The following HHAT variants were observed in gnomAD, a reference collection of about 807,000 sequenced individuals.
The protein encoded by HHAT is protein-cysteine N-palmitoyltransferase HHAT.
Under a neutral mutation model 70.8 loss-of-function variants are expected in HHAT, and 47 were observed. The ratio of observed to expected loss-of-function variants is 0.66; its 90% confidence interval spans 0.53 to 0.85. HHAT has a LOEUF of 0.85. Ranked by LOEUF, HHAT falls within the 40% of genes least tolerant of loss-of-function variation. The pLI is 0.00. For missense variants in HHAT, 609 were observed against 604.8 expected (o/e 1.01, Z -0.07); for synonymous variants, 228 against 247.6 (o/e 0.92, Z 0.74).
chr1:210,623,099 C>T (rs1669170815), intron 10 of HHAT, among the ~76,000 whole-genome samples: 2 of 152,192 alleles, frequency 1.3e-5, no homozygotes, highest in Non-Finnish European at 2.9e-5. Flanking sequence ...GAGACACGCT[C>T]TTGTTCTGTC....
intron 9 of HHAT, among the ~76,000 whole-genome samples, chr1:210,546,715 G>C (rs990496221): frequency 1.3e-5 from 2 of 152,182 alleles, no homozygotes; most frequent in Non-Finnish European, 2.9e-5. Context: ...GGTGAGGATG[G>C]AGGCACAGAG....
At chr1:210,641,772 C>T (rs1218138538) in intron 11 of HHAT, among the ~76,000 whole-genome samples, 1 of 152,184 alleles carries the variant, frequency 6.6e-6, no homozygotes, top group Admixed American at 6.5e-5. Context: ...CTACCAGCCA[C>T]CTGGGTTGAT....
intron 8 of HHAT, among the ~76,000 whole-genome samples, chr1:210,485,369 C>G (rs2094458964): frequency 6.6e-6 from 1 of 152,162 alleles, no homozygotes; most frequent in Admixed American, 6.5e-5. Context: ...CTAGTCAGCC[C>G]TGGTCAAAGC....
At chr1:210,504,694 C>T (rs776687567) in intron 8 of HHAT, among the ~76,000 whole-genome samples, 6 of 152,118 alleles carry the variant, frequency 3.9e-5, no homozygotes, top group Middle Eastern at 3.2e-3. Context: ...TTGTCTGATC[C>T]ATAAGAGCAT....
intron 11 of HHAT, among the ~76,000 whole-genome samples, chr1:210,662,105 G>A (rs1273624421): frequency 6.6e-6 from 1 of 152,144 alleles, no homozygotes; most frequent in African/African-American, 2.4e-5. Context: ...TGGAAATCCT[G>A]TCTCTGTTAT....
intron 8 of HHAT, among the ~76,000 whole-genome samples, chr1:210,498,889 C>A (rs1470202700): frequency 6.6e-6 from 1 of 151,820 alleles, no homozygotes; most frequent in African/African-American, 2.4e-5. Context: ...CCTGCCTCAG[C>A]CTCCTGAGTA....
chr1:210,327,595 G>A (rs1168088932), upstream of HHAT, among the ~76,000 whole-genome samples: 3 of 151,934 alleles, frequency 2.0e-5, no homozygotes, highest in Admixed American at 6.6e-5. Context: ...AACCTCTGCC[G>A]CCCGGGTTCA....
chr1:210,532,544 CTG>C (rs1188586286), intron 9 of HHAT, among the ~76,000 whole-genome samples: 5 of 152,220 alleles, frequency 3.3e-5, no homozygotes. Context: ...ACTTATATAA[CTG>C]TAGAATTCTG....
chr1:210,332,613 A>G (rs568187402), intron 1 of HHAT, among the ~76,000 whole-genome samples: 2 of 152,376 alleles, frequency 1.3e-5, no homozygotes, highest in South Asian at 4.1e-4. Flanking sequence ...GTAGCCTTCA[A>G]TAATTGCTTC....
chr1:210,476,874 A>C (rs2501901), intron 8 of HHAT, among the ~76,000 whole-genome samples: 26,172 of 152,166 alleles, frequency 0.17, 2,450 homozygotes, highest in East Asian at 0.43. Context: ...AAGATCTCCT[A>C]TGAACAGTGT....
rs138340534 is a variant in HHAT, at chr1:210,615,129, T to C, written c.1246-8397T>C. ...CTAACTGGTGTGAGATGATATCTCA[T>C]TGTGGTTTTCATTTGCATTTCTCTG... On this transcript the variant is annotated intron_variant, in intron 10 of 11. Transcript: ENST00000261458. Among the ~76,000 whole-genome samples the C allele has an allele frequency of 7.2e-3, 1,097 of 152,332 alleles. 17 individuals are homozygous for C. The highest frequency in any genetic ancestry group is 0.024 in the African/African-American group (989 of 41,574).
At chr1:210,548,854 G>A (rs999009976) in intron 9 of HHAT, among the ~76,000 whole-genome samples, 1 of 152,196 alleles carries the variant, frequency 6.6e-6, no homozygotes, top group African/African-American at 2.4e-5. Context: ...GGCAGGTCCC[G>A]AAGTGCCTGT....
At position 210,396,479 on chromosome 1, in the gene HHAT, G is replaced by A. The variant is rs74156148; in HGVS notation, c.274-3989G>A. Among the ~76,000 whole-genome samples, 875 of 152,356 alleles carry A rather than the reference G, an allele frequency of 5.7e-3. 10 individuals carry two copies. The highest frequency in any genetic ancestry group is 0.02 in the African/African-American group (851 of 41,580). On this transcript the variant is annotated intron_variant, in intron 4 of 11. Coordinates refer to ENST00000261458, the MANE Select transcript of HHAT (RefSeq NM_018194.6). ...GATGTGAATAAACTGGATCACACAT[G>A]CATTGCTGGCAGGAAAGTATAATGC...
chr1:210,424,239 T>C (rs2092991326), intron 7 of HHAT, among the ~76,000 whole-genome samples: 2 of 152,202 alleles, frequency 1.3e-5, no homozygotes. Context: ...TTTGCAGTTT[T>C]CCTTGTGAAG....
intron 3 of HHAT, among the ~76,000 whole-genome samples, chr1:210,365,934 T>G (rs80180611): frequency 3.3e-5 from 1 of 30,390 alleles, no homozygotes; most frequent in Non-Finnish European, 6.1e-5. Flanking sequence ...TTAAAAAAAA[T>G]TTTTTTTTTT....
chr1:210,354,821 C>G (rs2087443068), intron 2 of HHAT, among the ~76,000 whole-genome samples: 1 of 152,032 alleles, frequency 6.6e-6, no homozygotes, highest in Non-Finnish European at 1.5e-5. Flanking sequence ...TTAGGCTGTT[C>G]TTACTGGCTT....
At chr1:210,360,846 C>CTTTTTTTTT (rs3036585) in intron 2 of HHAT, among the ~76,000 whole-genome samples, 4 of 124,298 alleles carry the variant, frequency 3.2e-5, no homozygotes, top group African/African-American at 9.8e-5. Context: ...ATTAACTTCA[C>CTTTTTTTTT]TTTTTTTTTT....
chr1:210,379,824 A>C (rs2090497324), intron 3 of HHAT, among the ~76,000 whole-genome samples: 1 of 152,176 alleles, frequency 6.6e-6, no homozygotes, highest in African/African-American at 2.4e-5. Flanking sequence ...TGTGTTTCTT[A>C]TAAATATGAA....
intron 3 of HHAT, chr1:210,374,191 A>G (rs564726393): frequency 2.0e-5 from 3 of 152,248 alleles, no homozygotes; most frequent in East Asian, 1.9e-4. Flanking sequence ...AAATTAGCTT[A>G]TAACTGATTT....
Sources: gnomAD v4.1 joint callset for allele counts (sites outside exome capture counted in the v4.1 genomes callset) on GRCh38, gnomAD v4.1.1 for gene constraint, MANE v1.5 for transcripts, NCBI Gene and HGNC (gene_info 2026-07-23, HGNC 2026-07-21) for gene names.